The following AFG1L variants were observed in gnomAD, a reference collection of about 807,000 sequenced individuals.
The protein encoded by AFG1L is AFG1-like ATPase.
A neutral mutation model predicts 62.2 loss-of-function variants in AFG1L; 53 were observed. The observed-to-expected ratio is 0.85, with a 90% CI of 0.68 to 1.07. The LOEUF (loss-of-function observed/expected upper bound fraction) is 1.07, where lower values mean the gene tolerates loss of function less well. Among genes scored for constraint, AFG1L ranks in the 50% least tolerant of loss-of-function variants. The pLI is 0.00. For missense variants in AFG1L, 555 were observed against 590.5 expected (o/e 0.94, Z 0.62); for synonymous variants, 228 against 210.3 (o/e 1.08, Z -0.73).
intron 2 of AFG1L, among the ~76,000 whole-genome samples, chr6:108,334,066 G>C (rs1778380614): frequency 6.6e-6 from 1 of 152,146 alleles, no homozygotes; most frequent in African/African-American, 2.4e-5. Context: ...GGAGTTCAGT[G>C]GTGCGATCTC....
intron 2 of AFG1L, among the ~76,000 whole-genome samples, chr6:108,344,603 G>T (rs549101524): frequency 1.3e-5 from 2 of 152,156 alleles, no homozygotes; most frequent in Non-Finnish European, 2.9e-5. Context: ...AATAAAATAA[G>T]ACAAAGCCAA....
intron 8 of AFG1L, among the ~76,000 whole-genome samples, chr6:108,475,175 G>T (rs891731867): frequency 6.6e-6 from 1 of 152,046 alleles, no homozygotes; most frequent in African/African-American, 2.4e-5. Context: ...TTTTTGTCAG[G>T]TTTCTTAAAG....
At chr6:108,327,327 G>A (rs565792478) in intron 2 of AFG1L, among the ~76,000 whole-genome samples, 1 of 152,292 alleles carries the variant, frequency 6.6e-6, no homozygotes, top group East Asian at 1.9e-4. Context: ...GCCTTACAGT[G>A]CTCTGCCATT....
intron 2 of AFG1L, among the ~76,000 whole-genome samples, chr6:108,335,722 C>T (rs1778451187): frequency 6.6e-6 from 1 of 152,102 alleles, no homozygotes; most frequent in African/African-American, 2.4e-5. Flanking sequence ...CCTAAGCTGG[C>T]CAAAAGCAGA....
chr6:108,366,338 A>T lies in AFG1L; in HGVS notation c.748+6A>T, dbSNP rs757242589. The T allele has an allele frequency of 2.5e-6, 4 of 1,596,024 alleles. No individual in the cohort carries two copies. The highest frequency in any genetic ancestry group is 3.4e-6 in the Non-Finnish European group (4 of 1,164,504). On this transcript the variant is annotated splice_donor_region_variant and intron_variant, in intron 6 of 12. Coordinates refer to ENST00000368977, the MANE Select transcript of AFG1L (RefSeq NM_145315.5). Reference sequence around the variant, plus strand: ...ATCCAACAGGCCACCGGAAGGTAAAAACAAACATTGTGCTAGTCTCATCCA... The same window carrying T: ...ATCCAACAGGCCACCGGAAGGTAAATACAAACATTGTGCTAGTCTCATCCA...
intron 8 of AFG1L, among the ~76,000 whole-genome samples, chr6:108,468,847 A>T (rs1345175429): frequency 6.7e-6 from 1 of 149,642 alleles, no homozygotes; most frequent in Non-Finnish European, 1.5e-5. Context: ...TGGATCTAGC[A>T]GTCCTATTTA....
intron 6 of AFG1L, among the ~76,000 whole-genome samples, chr6:108,377,688 C>T (rs996568664): frequency 6.6e-6 from 1 of 152,020 alleles, no homozygotes; most frequent in African/African-American, 2.4e-5. Context: ...TTTTCTTTAA[C>T]ACTGACCTTG....
chr6:108,513,399 C>T (rs1484113392), intron 11 of AFG1L, among the ~76,000 whole-genome samples: 14 of 152,200 alleles, frequency 9.2e-5, no homozygotes, highest in South Asian at 2.1e-4. Flanking sequence ...CCTGGAAAAT[C>T]GGATCACTCC....
chr6:108,321,837 C>T (rs1247740006), intron 1 of AFG1L, among the ~76,000 whole-genome samples: 1 of 152,118 alleles, frequency 6.6e-6, no homozygotes, highest in Admixed American at 6.5e-5. Context: ...GTAACAGAGA[C>T]CCCAATTATA....
chr6:108,422,641 T>TGTATTATTAG (rs1402667803), intron 7 of AFG1L, among the ~76,000 whole-genome samples: 3 of 151,930 alleles, frequency 2.0e-5, no homozygotes, highest in Non-Finnish European at 4.4e-5. Context: ...AAATGTTCAA[T>TGTATTATTAG]CTCTTTATTA....
chr6:108,519,671 C>A, intron 11 of AFG1L, 26 bp from the exon 12 acceptor site: 1 of 1,210,630 alleles, frequency 8.3e-7, no homozygotes, highest in Non-Finnish European at 1.2e-6. Context: ...AAGAGTAACA[C>A]ATTTACCCAT....
chr6:108,388,845 T>A (rs1221504507), intron 6 of AFG1L, among the ~76,000 whole-genome samples: 1 of 152,120 alleles, frequency 6.6e-6, no homozygotes, highest in African/African-American at 2.4e-5. Flanking sequence ...GAAAAAAATG[T>A]ATATTCTGTT....
At chr6:108,450,457 T>C (rs964518517) in intron 8 of AFG1L, among the ~76,000 whole-genome samples, 1 of 152,200 alleles carries the variant, frequency 6.6e-6, no homozygotes, top group African/African-American at 2.4e-5. Flanking sequence ...TTGTTTTTTT[T>C]CTTGTAAATT....
intron 1 of AFG1L, among the ~76,000 whole-genome samples, chr6:108,307,511 A>G (rs551840653): frequency 1.3e-5 from 2 of 151,794 alleles, no homozygotes; most frequent in South Asian, 2.1e-4. Flanking sequence ...CCCAGGTCCA[A>G]GTAATCCTCC....
chr6:108,392,281 C>T (rs956388347), intron 6 of AFG1L: 6 of 152,134 alleles, frequency 3.9e-5, no homozygotes, highest in Non-Finnish European at 5.9e-5. Flanking sequence ...GTGATACCTT[C>T]GCTTTCTGAT....
At chr6:108,326,667 A>C (rs1020927618) in intron 2 of AFG1L, among the ~76,000 whole-genome samples, 3 of 152,202 alleles carry the variant, frequency 2.0e-5, no homozygotes, top group Non-Finnish European at 4.4e-5. Flanking sequence ...TTTATTTAAA[A>C]ATGAATGAGG....
At chr6:108,403,400 T>A (rs1781716991) in intron 7 of AFG1L, among the ~76,000 whole-genome samples, 1 of 152,168 alleles carries the variant, frequency 6.6e-6, no homozygotes, top group Admixed American at 6.5e-5. Context: ...GAATTACTGT[T>A]CGTGCCAAAC....
intron 11 of AFG1L, among the ~76,000 whole-genome samples, chr6:108,513,916 T>A (rs1273710130): frequency 1.3e-5 from 2 of 152,158 alleles, no homozygotes; most frequent in East Asian, 1.9e-4. Context: ...GAGACAAAAC[T>A]TCCAGAGGAA....
chr6:108,360,920 C>A (rs1192201268), intron 5 of AFG1L, among the ~76,000 whole-genome samples: 2 of 152,228 alleles, frequency 1.3e-5, no homozygotes, highest in African/African-American at 2.4e-5. Flanking sequence ...CAAGCAGAGC[C>A]TTTGCACTGG....
Sources: allele counts gnomAD v4.1 joint callset (sites outside exome capture counted in the v4.1 genomes callset), GRCh38; gene constraint gnomAD v4.1.1; transcripts MANE v1.5; gene names NCBI Gene and HGNC (gene_info 2026-07-23, HGNC 2026-07-21).